The following ATP6V1B1 variants were observed in gnomAD, a reference collection of about 807,000 sequenced individuals.
ATP6V1B1 encodes the protein V-type proton ATPase subunit B, kidney isoform.
Under a neutral mutation model 62.1 loss-of-function variants are expected in ATP6V1B1, and 41 were observed. The ratio of observed to expected loss-of-function variants is 0.66; its 90% CI spans 0.51 to 0.86. The LOEUF (loss-of-function observed/expected upper bound fraction) is 0.86. ATP6V1B1 is among the 40% of genes least tolerant of loss of function. The pLI is 0.00. For synonymous variants in ATP6V1B1, 253 were observed against 273.4 expected, an observed-to-expected ratio of 0.93 and a Z score of 0.74; for missense variants, 651 against 697.5, an observed-to-expected ratio of 0.93 and a Z score of 0.75.
At chr2:70,951,146 T>C (rs1553418244) in intron 2 of ATP6V1B1, among the ~76,000 whole-genome samples, 1 of 152,018 alleles carries the variant, frequency 6.6e-6, no homozygotes, top group East Asian at 1.9e-4. Context: ...TTTCACCATT[T>C]TGACCAGGCT....
Position 70,963,586 on chromosome 2 carries a change from A to G in ATP6V1B1, c.1075A>G (p.Ile359Val). 3 of 1,614,164 alleles carry G rather than the reference A, an allele frequency of 1.9e-6. No individual in the cohort carries two copies. Among genetic ancestry groups the G allele is most frequent in the South Asian group, 1.1e-5 (1 of 91,082 alleles). The change falls in exon 11 of 14, where the codon ATC becomes GTC. Residue 359 changes from isoleucine to valine, a missense_variant. Physicochemically the swap from Ile to Val is conservative, Grantham distance 29 (BLOSUM62 3). Coordinates refer to ENST00000234396, the MANE Select transcript of ATP6V1B1 (RefSeq NM_001692.4). The surrounding 1 kb of genome is among the most constrained non-coding windows in gnomAD (Gnocchi z 4.3). ...TMPNDDITHP[I>V]PDLTGFITEG... Reference sequence around the variant, plus strand: ...TTTTCTTGTAGATATCACCCACCCTATCCCAGACTTGACGGGCTTCATCAC... The same window carrying G: ...TTTTCTTGTAGATATCACCCACCCTGTCCCAGACTTGACGGGCTTCATCAC...
In ATP6V1B1 at chr2:70,960,947, G is replaced by A. The variant is rs782233102; in HGVS notation, c.612G>A (p.Ala204=). Residue 204 remains alanine (A), a synonymous_variant, in exon 7 of 14, where the codon GCG becomes GCA. Transcript: ENST00000234396. ...TTGCCGCTCAGATCTGCCGCCAGGC[G>A]GGGCTGGTGAAGAAGTCCAAGGCTG... The part of the protein sequence containing the change: ...NEIAAQICRQ[A]GLVKKSKAVL... The A allele has an allele frequency of 5.2e-5, 83 of 1,609,682 alleles. No individual in the cohort carries two copies. In the East Asian group the frequency reaches 1.4e-3, roughly 27 times the overall value.
Position 70,965,223 on chromosome 2 carries a change from C to G in ATP6V1B1, c.*102C>G. ...AACCAGCGGCTTCTGCGCCGCCCTC[C>G]GCCCTCCGCTGGCTCCGAGGTGGTG... is the stretch of plus-strand genomic sequence containing the variant. On this transcript the variant is annotated 3_prime_UTR_variant, in exon 14 of 14. Transcript: ENST00000234396. The G allele has an allele frequency of 2.0e-6, 3 of 1,524,634 alleles. No individual in the cohort carries two copies. Among genetic ancestry groups the G allele is most frequent in the Non-Finnish European group, 2.7e-6 (3 of 1,126,050 alleles). The allele number at this position is 1,524,634 out of a possible 1,614,324, so 94.4% of individuals were successfully genotyped here. A position where few individuals can be genotyped will look rare whatever the true frequency, so the allele number is the denominator to read the frequency against.
Position 70,959,225 on chromosome 2 carries a change from A to G in ATP6V1B1, c.445+130A>G, listed in dbSNP as rs1680520684. 14 of 958,446 alleles carry G rather than the reference A, an allele frequency of 1.5e-5. No homozygotes were observed. Among genetic ancestry groups the G allele is most frequent in the Admixed American group, 4.0e-5 (2 of 50,314 alleles). The allele number at this position is 958,446 out of a possible 1,614,324, so 59.4% of individuals were successfully genotyped here. On this transcript the variant is annotated intron_variant, in intron 5 of 13. Coordinates refer to ENST00000234396, the MANE Select transcript of ATP6V1B1 (RefSeq NM_001692.4). The surrounding 1 kb of genome is among the most constrained non-coding windows in gnomAD (Gnocchi z 4.2). ...AGCAGCAAAGGCCTCTCTATCCCCA[A>G]ATCTTCCACTGAACCCCAACACTGC... is the stretch of plus-strand genomic sequence containing the variant.
intron 7 of ATP6V1B1, 149 bp from the exon 8 acceptor site, chr2:70,961,447 C>G: frequency 1.2e-6 from 1 of 800,550 alleles, no homozygotes; most frequent in South Asian, 1.5e-5. Context: ...CCTTTCCAGC[C>G]CCGGGGTCAC....
At chr2:70,957,708 T>C (rs1390231532) in intron 2 of ATP6V1B1, 6 of 367,382 alleles carry the variant, frequency 1.6e-5, no homozygotes, top group African/African-American at 1.1e-4. Context: ...TAGGTGTTAT[T>C]ATTATCCACA....
chr2:70,964,558 TC>T lies in ATP6V1B1; in HGVS notation c.1248+18del. On this transcript the variant is annotated intron_variant, in intron 12 of 13. Transcript: ENST00000234396. ...CAACCAGCTGGTAAGGAGAAGAGGG[TC>T]CGGGGGCTGGTAGGTCCTCTAGTTT... The T allele has an allele frequency of 1.2e-6, 2 of 1,612,920 alleles. No homozygotes were observed. The highest frequency in any genetic ancestry group is 2.2e-5 in the South Asian group (2 of 91,026).
intron 7 of ATP6V1B1, among the ~76,000 whole-genome samples, 164 bp from the exon 8 acceptor site, chr2:70,961,432 C>A (rs1350059077): frequency 6.6e-6 from 1 of 152,194 alleles, no homozygotes; most frequent in Non-Finnish European, 1.5e-5. Flanking sequence ...AAACCCAGTG[C>A]CTGCCCTTTC....
intron 2 of ATP6V1B1, among the ~76,000 whole-genome samples, chr2:70,945,133 A>G (rs991618001): frequency 3.3e-5 from 5 of 152,192 alleles, no homozygotes; most frequent in Non-Finnish European, 7.3e-5. Context: ...TCAGTAATGT[A>G]TGTTTATTAA....
At chr2:70,956,870 C>A (rs1680449041) in intron 2 of ATP6V1B1, among the ~76,000 whole-genome samples, 1 of 152,138 alleles carries the variant, frequency 6.6e-6, no homozygotes, top group African/African-American at 2.4e-5. Flanking sequence ...CAGGCATGAA[C>A]CACCTTGCCT....
chr2:70,947,829 TA>T (rs1553417636), intron 2 of ATP6V1B1, among the ~76,000 whole-genome samples: 1 of 152,106 alleles, frequency 6.6e-6, no homozygotes, highest in African/African-American at 2.4e-5. Flanking sequence ...GCAGCCCTCT[TA>T]GTAACCGACA....
At chr2:70,943,625 T>G in intron 1 of ATP6V1B1, 33 bp from the exon 2 acceptor site, 2 of 1,604,824 alleles carry the variant, frequency 1.2e-6, no homozygotes, top group Non-Finnish European at 1.7e-6. Flanking sequence ...GTGTTTGGGG[T>G]GAGACCCCTA....
intron 2 of ATP6V1B1, chr2:70,956,132 G>A (rs1403283188): frequency 4.6e-6 from 1 of 218,856 alleles, no homozygotes; most frequent in Admixed American, 4.5e-5. Context: ...GTTGATGCCT[G>A]TTCTCTTTTT....
intron 2 of ATP6V1B1, among the ~76,000 whole-genome samples, chr2:70,949,290 A>G (rs190631506): frequency 6.6e-6 from 1 of 152,296 alleles, no homozygotes; most frequent in East Asian, 1.9e-4. Context: ...CTGGCATAGC[A>G]GGCGATAGTA....
rs1360061021 is a variant in ATP6V1B1, at chr2:70,958,538, G to C, written c.367+112G>C. On this transcript the variant is annotated intron_variant, in intron 4 of 13. Transcript: ENST00000234396. ...GTCACTTCCTGTTTACTTCCTGCCT[G>C]TCTCTCTGGTGGGCTCTTTGAGGTC... 1.2e-5 allele frequency: 12 copies of C among 1,042,094 alleles called. No homozygotes were observed. The African/African-American group carries it at 1.9e-4, about 16-fold the overall frequency. The allele number at this position is 1,042,094 out of a possible 1,614,324, so 64.6% of individuals were successfully genotyped here.
chr2:70,962,024 G>A (rs1473655896), intron 8 of ATP6V1B1, among the ~76,000 whole-genome samples: 1 of 67,976 alleles, frequency 1.5e-5, no homozygotes. Flanking sequence ...TATTATAAAA[G>A]TGTAGAAAAT....
chr2:70,946,534 A>G (rs566031795), intron 2 of ATP6V1B1, among the ~76,000 whole-genome samples: 19 of 152,352 alleles, frequency 1.2e-4, no homozygotes, highest in Non-Finnish European at 1.8e-4. Flanking sequence ...CTTCCAGGTG[A>G]ACTGATGCTC....
In ATP6V1B1 at chr2:70,964,444, C is replaced by A; in HGVS notation, c.1150C>A (p.Pro384Thr). 2 of 1,613,868 alleles carry A rather than the reference C, an allele frequency of 1.2e-6. No homozygotes were observed. Among genetic ancestry groups the A allele is most frequent in the South Asian group, 1.1e-5 (1 of 91,062 alleles). Reference protein sequence around the residue: ...DRQLHNRQIYPPINVLPSLSR... With the variant: ...DRQLHNRQIYTPINVLPSLSR... ...CCTTTTTCTTCTCCCTCAGATCTAC[C>A]CCCCCATCAACGTGCTCCCTTCCCT... The change falls in exon 12 of 14, where the codon CCC (proline) becomes ACC (threonine). Residue 384 changes from proline (P) to threonine (T), a missense_variant. By Grantham distance (38) the Pro-to-Thr change is conservative (BLOSUM62 -1). Transcript: ENST00000234396.
At chr2:70,957,700 G>A (rs780362102) in intron 2 of ATP6V1B1, 42 of 360,076 alleles carry the variant, frequency 1.2e-4, no homozygotes, top group Non-Finnish European at 2.1e-4. Context: ...GTGGGAAGTA[G>A]GTGTTATTAT....
Sources: allele counts gnomAD v4.1 joint callset (sites outside exome capture counted in the v4.1 genomes callset), GRCh38; gene constraint gnomAD v4.1.1; non-coding constraint Gnocchi (gnomAD v3.1); transcripts MANE v1.5; gene names NCBI Gene and HGNC (gene_info 2026-07-23, HGNC 2026-07-21).